SYT15: variants seen among roughly 807,000 people sequenced by gnomAD.
The protein encoded by SYT15 is synaptotagmin-15.
A neutral mutation model predicts 30.1 loss-of-function variants in SYT15; 4 were observed. The observed-to-expected ratio is 0.13, with a 90% CI of 0.07 to 0.30. SYT15 has a LOEUF of 0.30. Ranked by LOEUF, SYT15 falls within the 10% of genes least tolerant of loss-of-function variation. SYT15 has a pLI of 1.00. For synonymous variants in SYT15, 19 were observed against 166.3 expected, an observed-to-expected ratio of 0.11 and a Z score of 6.82; for missense variants, 49 against 371.7, an observed-to-expected ratio of 0.13 and a Z score of 7.14.
downstream of SYT15, chr10:46,593,701 C>A (rs1345584262): frequency 2.2e-5 from 3 of 136,084 alleles, no homozygotes; most frequent in African/African-American, 8.9e-5. Flanking sequence ...AGTTCTCAGG[C>A]TATATTTATT....
chr10:46,594,475 T>C (rs528869459), downstream of SYT15, among the ~76,000 whole-genome samples: 1 of 132,390 alleles, frequency 7.6e-6, no homozygotes, highest in African/African-American at 3.2e-5. Flanking sequence ...CCTTTCTGCA[T>C]AGCTTAACTC....
rs10588659 is a variant in SYT15 at position 46,580,680 on chromosome 10, CTGTGTGTGTGTGTGTGTGTGTGTGTG to C, written c.213-201_213-176del. Among the ~76,000 whole-genome samples the C allele has an allele frequency of 3.1e-3, 383 of 125,424 alleles. 21 individuals are homozygous for C. Among genetic ancestry groups the C allele is most frequent in the African/African-American group, 0.013 (367 of 29,184 alleles). The allele number at this position is 125,424 out of a possible 152,430, so 82.3% of individuals were successfully genotyped here. A position where few individuals can be genotyped will look rare whatever the true frequency, so the allele number is the denominator to read the frequency against. On this transcript the variant is annotated intron_variant, in intron 2 of 7. Coordinates refer to ENST00000374321, the MANE Select transcript of SYT15 (RefSeq NM_031912.5). ...TGTGTTCCTTCTTCAAATCCCACTG[CTGTGTGTGTGTGTGTGTGTGTGTGTG>C]TGTGTGTGTGTGCGTGTGTGTGTGT...
At position 46,590,732 on chromosome 10, in the gene SYT15, T is replaced by C. The variant is rs556353202; in HGVS notation, c.*3085T>C. 1.0e-3 allele frequency: 141 copies of C among 140,644 alleles called. 9 individuals are homozygous for C. Among genetic ancestry groups the C allele is most frequent in the African/African-American group, 3.0e-3 (110 of 36,486 alleles). 8.7% of individuals were successfully genotyped at this position (140,644 alleles called of 1,614,324 possible). ...TGTCAATATTCACCATGAAGTTTGATGGTTGTTATAGGATTTTTAATGTAC... is the reference window on the plus strand; with the variant it reads ...TGTCAATATTCACCATGAAGTTTGACGGTTGTTATAGGATTTTTAATGTAC... On this transcript the variant is annotated 3_prime_UTR_variant, in exon 8 of 8. Transcript: ENST00000374321.
chr10:46,590,932 C>T lies in SYT15; in HGVS notation c.*3285C>T, dbSNP rs1387177873. 2.1e-5 allele frequency: 3 copies of T among 141,542 alleles called. No homozygotes were observed. Among genetic ancestry groups the T allele is most frequent in the Non-Finnish European group, 3.0e-5 (2 of 65,724 alleles). The allele number at this position is 141,542 out of a possible 1,614,324, so 8.8% of individuals were successfully genotyped here. On this transcript the variant is annotated 3_prime_UTR_variant, in exon 8 of 8. Coordinates refer to ENST00000374321, the MANE Select transcript of SYT15 (RefSeq NM_031912.5). ...TGAATGTCAAACCAAACTTAACATT[C>T]TTGTAATAGAAACCAGCAGGGTGTG...
chr10:46,592,099 TC>T (rs1342257444), downstream of SYT15: 1 of 139,590 alleles, frequency 7.2e-6, no homozygotes, highest in Non-Finnish European at 1.5e-5. Flanking sequence ...TTTTATTTTT[TC>T]TTTTCTGTTG....
Position 46,586,545 on chromosome 10 carries a change from CAAAA to C in SYT15, c.1123+778_1123+781del, listed in dbSNP as rs1160617773. On this transcript the variant is annotated intron_variant, in intron 7 of 7. Coordinates refer to ENST00000374321, the MANE Select transcript of SYT15 (RefSeq NM_031912.5). The stretch of plus-strand genomic sequence containing the variant: ...TGGGCAACAGAGCGAGACTTCGTCT[CAAAA>C]AAAAAAAAAGAGGTTGGCTGGGTGC... Among the ~76,000 whole-genome samples, 3 of 94,930 alleles carry C rather than the reference CAAAA, an allele frequency of 3.2e-5. 1 individual carries two copies. The highest frequency in any genetic ancestry group is 6.4e-5 in the Non-Finnish European group (3 of 47,232). 62.3% of individuals were successfully genotyped at this position (94,930 alleles called of 152,430 possible). A position where few individuals can be genotyped will look rare whatever the true frequency, so the allele number is the denominator to read the frequency against.
chr10:46,594,685 T>C (rs1418353963), downstream of SYT15, among the ~76,000 whole-genome samples: 1 of 132,740 alleles, frequency 7.5e-6, no homozygotes, highest in African/African-American at 3.1e-5. Context: ...AATCAGCACG[T>C]TTCCTGAAGG....
At position 46,583,892 on chromosome 10, in the gene SYT15, A is replaced by C; in HGVS notation, c.812A>C (p.Glu271Ala). 6.4e-7 allele frequency: 1 copy of C among 1,563,262 alleles called. No homozygotes were observed. Among genetic ancestry groups the C allele is most frequent in the Non-Finnish European group, 8.7e-7 (1 of 1,150,580 alleles). Residue 271 changes from glutamate to alanine, a missense_variant, in exon 5 of 8, where the codon GAG (glutamate) becomes GCG (alanine). Physicochemically the swap from Glu to Ala is moderately radical, Grantham distance 107 (BLOSUM62 -1). Transcript: ENST00000374321. ...RRVIWRDLEA[E>A]SLEPPSEFGD... ...GTCATCTGGAGAGACCTGGAGGCCGAGAGCCTGGAGGTATGGTCAAGGTCA... is the reference window on the plus strand; with the variant it reads ...GTCATCTGGAGAGACCTGGAGGCCGCGAGCCTGGAGGTATGGTCAAGGTCA...
At chr10:46,594,540 A>G (rs1241314092), downstream of SYT15, among the ~76,000 whole-genome samples, 1 of 141,540 alleles carries the variant, frequency 7.1e-6, no homozygotes, top group African/African-American at 2.8e-5. Flanking sequence ...TCTACATGAT[A>G]TCTCGGCCCC....
downstream of SYT15, chr10:46,596,860 G>A (rs1555045909): frequency 3.3e-5 from 14 of 422,086 alleles, no homozygotes; most frequent in South Asian, 1.5e-4. Flanking sequence ...AAATGAAATC[G>A]AAAGTTTAGA....
At position 46,590,996 on chromosome 10, in the gene SYT15, C is replaced by T. The variant is rs1229169531; in HGVS notation, c.*3349C>T. On this transcript the variant is annotated 3_prime_UTR_variant, in exon 8 of 8. Coordinates refer to ENST00000374321, the MANE Select transcript of SYT15 (RefSeq NM_031912.5). ...GTGTGCGCAGGTTTATACACATAAA[C>T]ACAACAATACTTGGACTTATTTATT... is the stretch of plus-strand genomic sequence containing the variant. 1 of 143,554 alleles carries T rather than the reference C, an allele frequency of 7.0e-6. No individual in the cohort carries two copies. The highest frequency in any genetic ancestry group is 1.5e-5 in the Non-Finnish European group (1 of 66,274). The allele number at this position is 143,554 out of a possible 1,614,324, so 8.9% of individuals were successfully genotyped here.
At chr10:46,593,143 C>A (rs1418776309), downstream of SYT15, 2 of 100,258 alleles carry the variant, frequency 2.0e-5, 1 homozygote, top group Non-Finnish European at 3.9e-5. Flanking sequence ...CAAGATCCCC[C>A]CCCTCTACAA....
In SYT15 at chr10:46,586,575, G is replaced by A. The variant is rs528301510; in HGVS notation, c.1123+798G>A. Among the ~76,000 whole-genome samples the A allele has an allele frequency of 6.5e-5, 9 of 137,924 alleles. 2 individuals are homozygous for A. The highest frequency in any genetic ancestry group is 1.2e-4 in the African/African-American group (4 of 34,702). 90.5% of individuals were successfully genotyped at this position (137,924 alleles called of 152,430 possible). On this transcript the variant is annotated intron_variant, in intron 7 of 7. Coordinates refer to ENST00000374321, the MANE Select transcript of SYT15 (RefSeq NM_031912.5). The stretch of plus-strand genomic sequence containing the variant: ...AAAAAAAAAGAGGTTGGCTGGGTGC[G>A]GTGGCTCACGCCTATAATCCTAGCA...
At chr10:46,580,701 T>TGC (rs1844087219) in intron 2 of SYT15, among the ~76,000 whole-genome samples, 193 bp from the exon 3 acceptor site, 1 of 138,426 alleles carries the variant, frequency 7.2e-6, no homozygotes, top group African/African-American at 3.0e-5. Context: ...TGTGTGTGTG[T>TGC]GTGTGTGTGT....
chr10:46,581,058 GC>G, intron 3 of SYT15, 22 bp downstream of exon 3: 1 of 851,558 alleles, frequency 1.2e-6, no homozygotes, highest in Non-Finnish European at 1.7e-6. Context: ...TGCCAGGGCT[GC>G]CCAGAGGTCA....
rs1321613431 is a variant in SYT15 at position 46,591,928 on chromosome 10, TATA to T, written c.*4284_*4286del. 6.7e-4 allele frequency: 91 copies of T among 136,310 alleles called. 4 individuals carry two copies. The highest frequency in any genetic ancestry group is 2.6e-3 in the African/African-American group (88 of 33,974). The allele number at this position is 136,310 out of a possible 1,614,324, so 8.4% of individuals were successfully genotyped here. A position where few individuals can be genotyped will look rare whatever the true frequency, so the allele number is the denominator to read the frequency against. On this transcript the variant is annotated 3_prime_UTR_variant, in exon 8 of 8. Coordinates refer to ENST00000374321, the MANE Select transcript of SYT15 (RefSeq NM_031912.5). The stretch of plus-strand genomic sequence containing the variant: ...CTTATTTTTGAATTTTCAATGTTCT[TATA>T]ATGATGTCATGTCTCTTGAATAGAG...
In SYT15 at chr10:46,586,419, G is replaced by A. The variant is rs1458314522; in HGVS notation, c.1123+642G>A. On this transcript the variant is annotated intron_variant, in intron 7 of 7. Coordinates refer to ENST00000374321, the MANE Select transcript of SYT15 (RefSeq NM_031912.5). ...AAATTAGCTGGGTGTGGTGGCTGGT[G>A]CCTGTAGTCCCAGCTACTTGGGAGG... Among the ~76,000 whole-genome samples, 7 of 92,790 alleles carry A rather than the reference G, an allele frequency of 7.5e-5. No homozygotes were observed. The South Asian group carries it at 1.8e-3, about 24-fold the overall frequency. 60.9% of individuals were successfully genotyped at this position (92,790 alleles called of 152,430 possible). A position where few individuals can be genotyped will look rare whatever the true frequency, so the allele number is the denominator to read the frequency against.
chr10:46,580,711 T>TGTGTGC (rs1844096698), intron 2 of SYT15, among the ~76,000 whole-genome samples, 183 bp from the exon 3 acceptor site: 12 of 122,334 alleles, frequency 9.8e-5, no homozygotes, highest in African/African-American at 4.2e-4. Context: ...TGTGTGTGTG[T>TGTGTGC]GTGTGTGCGT....
chr10:46,580,705 T>C (rs199544548), intron 2 of SYT15, among the ~76,000 whole-genome samples, 189 bp from the exon 3 acceptor site: 4 of 138,794 alleles, frequency 2.9e-5, no homozygotes, highest in African/African-American at 9.0e-5. Flanking sequence ...TGTGTGTGTG[T>C]GTGTGTGTGT....
Sources: allele counts gnomAD v4.1 joint callset (sites outside exome capture counted in the v4.1 genomes callset), GRCh38; gene constraint gnomAD v4.1.1; transcripts MANE v1.5; gene names NCBI Gene and HGNC (gene_info 2026-07-23, HGNC 2026-07-21).